SPAST: variants seen among roughly 807,000 people sequenced by gnomAD.
SPAST encodes spastic paraplegia 4 (autosomal dominant; spastin).
SPAST carries 30 observed loss-of-function variants against 76.6 expected under a neutral mutation model. That is an observed-to-expected ratio of 0.39 (90% CI 0.29 to 0.53). The LOEUF is 0.53. SPAST is among the 20% of genes least tolerant of loss of function. The pLI is 0.68. For missense variants in SPAST, 717 were observed against 770.5 expected (o/e 0.93, Z 0.82); for synonymous variants, 305 against 281.0 (o/e 1.09, Z -0.86).
At chr2:32,142,401 C>T (rs907933075) in intron 13 of SPAST, among the ~76,000 whole-genome samples, 10 of 151,968 alleles carry the variant, frequency 6.6e-5, no homozygotes, top group South Asian at 2.1e-4. Context: ...ATGCAGAAAA[C>T]GCAAATTTAT....
intron 4 of SPAST, among the ~76,000 whole-genome samples, chr2:32,101,319 T>G (rs1313815605): frequency 1.3e-5 from 2 of 152,258 alleles, no homozygotes. Flanking sequence ...TTTGATTTTT[T>G]TCTTGTAAAT....
intron 4 of SPAST, among the ~76,000 whole-genome samples, chr2:32,112,803 G>T (rs12474443): frequency 0.4 from 60,592 of 151,914 alleles, 12,378 homozygotes; most frequent in East Asian, 0.64. Context: ...CGTATTAAGA[G>T]ATTTGATTAC....
rs1037058392 is a variant in SPAST, at chr2:32,155,909, A to G, written c.*1413A>G. On this transcript the variant is annotated 3_prime_UTR_variant, in exon 17 of 17. Transcript: ENST00000315285. ...TTTAGGAAAGATTTCTTAGGTTTTGAAAGAATACATTAAAATAAAAAACTT... is the reference window on the plus strand; with the variant it reads ...TTTAGGAAAGATTTCTTAGGTTTTGGAAGAATACATTAAAATAAAAAACTT... 5 of 152,602 alleles carry G rather than the reference A, an allele frequency of 3.3e-5. No individual in the cohort carries two copies. Among genetic ancestry groups the G allele is most frequent in the African/African-American group, 1.2e-4 (5 of 41,444 alleles). 9.5% of individuals were successfully genotyped at this position (152,602 alleles called of 1,614,324 possible).
intron 4 of SPAST, among the ~76,000 whole-genome samples, chr2:32,105,704 G>A (rs1413465120): frequency 2.6e-5 from 4 of 152,202 alleles, no homozygotes; most frequent in Admixed American, 6.5e-5. Flanking sequence ...CTGCAGGTCT[G>A]TTGGAGTTTG....
chr2:32,119,117 C>G lies in SPAST; in HGVS notation c.1098+2905C>G, dbSNP rs372242057. On this transcript the variant is annotated intron_variant, in intron 7 of 16. Coordinates refer to ENST00000315285, the MANE Select transcript of SPAST (RefSeq NM_014946.4). ...AGCAAGATCTGTGGTAGAGCCAGGT[C>G]TAAAGGTTTATATCCTGGTACAAAC... is the stretch of plus-strand genomic sequence containing the variant. 3.9e-5 allele frequency among the ~76,000 whole-genome samples: 6 copies of G among 152,220 alleles called. No homozygotes were observed. The East Asian group carries it at 1.2e-3, about 29-fold the overall frequency.
intron 8 of SPAST, chr2:32,127,291 T>G: frequency 2.4e-6 from 1 of 424,726 alleles, no homozygotes; most frequent in South Asian, 2.3e-5. Context: ...CTAGGTTTTT[T>G]ATTTTTGGCA....
intron 16 of SPAST, among the ~76,000 whole-genome samples, chr2:32,148,123 G>T (rs1679957565): frequency 6.6e-6 from 1 of 151,640 alleles, no homozygotes; most frequent in African/African-American, 2.4e-5. Context: ...TGTAGAGATG[G>T]TGTCTCTCCC....
chr2:32,114,617 G>T lies in SPAST; in HGVS notation c.683-21G>T, dbSNP rs550646462. 22 of 1,605,982 alleles carry T rather than the reference G, an allele frequency of 1.4e-5. No homozygotes were observed. The East Asian group carries it at 4.2e-4, about 31-fold the overall frequency. On this transcript the variant is annotated intron_variant, in intron 4 of 16. Coordinates refer to ENST00000315285, the MANE Select transcript of SPAST (RefSeq NM_014946.4). ...CAGCTACAATTTTCTAATCACAATG[G>T]TTTTACTTTTTCCTTGTCAGAAAGT...
chr2:32,075,787 C>G (rs1343015704), intron 1 of SPAST, among the ~76,000 whole-genome samples: 1 of 144,290 alleles, frequency 6.9e-6, no homozygotes, highest in Non-Finnish European at 1.5e-5. Flanking sequence ...CTCCTGAGCT[C>G]AAGTGATCCC....
chr2:32,122,212 C>G (rs1259989842), intron 7 of SPAST, among the ~76,000 whole-genome samples: 2 of 152,080 alleles, frequency 1.3e-5, no homozygotes, highest in African/African-American at 4.8e-5. Flanking sequence ...ATTTTCTAGT[C>G]TCTTGTTTGG....
rs377395233 is a variant in SPAST at position 32,143,453 on chromosome 2, T to C, written c.1616+38T>C. The C allele has an allele frequency of 1.5e-4, 188 of 1,220,976 alleles. No individual in the cohort carries two copies. The East Asian group carries it at 3.8e-3, about 25-fold the overall frequency. 75.6% of individuals were successfully genotyped at this position (1,220,976 alleles called of 1,614,324 possible). ...GATTTGGTTTATCTTACAGCTTTTA[T>C]TTATTTTTTGTAAATAATTCTTTTT... On this transcript the variant is annotated intron_variant, in intron 14 of 16. Transcript: ENST00000315285.
At chr2:32,102,016 T>C (rs1454850361) in intron 4 of SPAST, among the ~76,000 whole-genome samples, 1 of 152,188 alleles carries the variant, frequency 6.6e-6, no homozygotes, top group East Asian at 1.9e-4. Context: ...GTGAAGAAAG[T>C]CATTTGTAGC....
intron 9 of SPAST, 123 bp from the exon 10 acceptor site, chr2:32,136,440 A>C (rs1679539476): frequency 1.3e-6 from 1 of 774,406 alleles, no homozygotes; most frequent in Non-Finnish European, 2.3e-6. Flanking sequence ...TTCTCAAACC[A>C]AATCTTTGGT....
intron 3 of SPAST, among the ~76,000 whole-genome samples, chr2:32,096,619 A>G (rs1018351391): frequency 1.8e-4 from 28 of 152,220 alleles, no homozygotes; most frequent in African/African-American, 5.8e-4. Flanking sequence ...ACACGAAAAG[A>G]AATCCTATAG....
Position 32,143,374 on chromosome 2 carries a change from A to G in SPAST, c.1575A>G (p.Gln525=). ...TGCTTAAAAATCTGTTATGTAAACA[A>G]GGAAGTCCATTGACCCAAAAAGAAC... is the stretch of plus-strand genomic sequence containing the variant. ...LLLLKNLLCK[Q]GSPLTQKELA... Residue 525 remains glutamine (Q), a synonymous_variant, in exon 14 of 17, where the codon CAA becomes CAG. Transcript: ENST00000315285. 1.2e-6 allele frequency: 2 copies of G among 1,610,076 alleles called. No homozygotes were observed. Among genetic ancestry groups the G allele is most frequent in the Non-Finnish European group, 1.7e-6 (2 of 1,176,816 alleles).
chr2:32,064,528 T>C (rs1244250279), intron 1 of SPAST, among the ~76,000 whole-genome samples: 3 of 152,316 alleles, frequency 2.0e-5, no homozygotes, highest in Admixed American at 6.5e-5. Flanking sequence ...CCAGACGTGT[T>C]GATGACAGTG....
At position 32,155,881 on chromosome 2, in the gene SPAST, T is replaced by G. The variant is rs1304481878; in HGVS notation, c.*1385T>G. On this transcript the variant is annotated 3_prime_UTR_variant, in exon 17 of 17. Coordinates refer to ENST00000315285, the MANE Select transcript of SPAST (RefSeq NM_014946.4). ...TATTTGTAGTAGTAACAAGAATTTTTCATTTAGGAAAGATTTCTTAGGTTT... is the reference window on the plus strand; with the variant it reads ...TATTTGTAGTAGTAACAAGAATTTTGCATTTAGGAAAGATTTCTTAGGTTT... 3 of 152,600 alleles carry G rather than the reference T, an allele frequency of 2.0e-5. No individual in the cohort carries two copies. The highest frequency in any genetic ancestry group is 2.9e-5 in the Non-Finnish European group (2 of 68,034). 9.5% of individuals were successfully genotyped at this position (152,600 alleles called of 1,614,324 possible). A position where few individuals can be genotyped will look rare whatever the true frequency, so the allele number is the denominator to read the frequency against.
chr2:32,135,198 C>T (rs868659909), intron 9 of SPAST, among the ~76,000 whole-genome samples: 2 of 151,314 alleles, frequency 1.3e-5, no homozygotes, highest in African/African-American at 2.4e-5. Context: ...GGTACCATCT[C>T]GGCTCACTGC....
intron 4 of SPAST, 64 bp downstream of exon 4, chr2:32,098,955 C>A: frequency 1.9e-6 from 2 of 1,057,672 alleles, no homozygotes; most frequent in Non-Finnish European, 3.0e-6. Flanking sequence ...TCTTACTTAA[C>A]CTGATAATGT....
Sources: allele counts gnomAD v4.1 joint callset (sites outside exome capture counted in the v4.1 genomes callset), GRCh38; gene constraint gnomAD v4.1.1; transcripts MANE v1.5; gene names NCBI Gene and HGNC (gene_info 2026-07-23, HGNC 2026-07-21).